CCDC148: variants seen among roughly 807,000 people sequenced by gnomAD.
The protein encoded by CCDC148 is coiled-coil domain containing 148.
CCDC148 carries 89 observed loss-of-function variants against 85.7 expected under a neutral mutation model. That is an observed-to-expected ratio of 1.04 (90% confidence interval 0.87 to 1.24). The LOEUF is 1.24. CCDC148 is among the 50% of genes most tolerant of loss of function. The probability of loss-of-function intolerance (pLI) is 0.00; values close to 1 mark genes in which losing one functional copy is unlikely to be tolerated. For missense variants in CCDC148, 692 were observed against 671.7 expected, an observed-to-expected ratio of 1.03 and a Z score of -0.33; for synonymous variants, 230 against 213.9, an observed-to-expected ratio of 1.08 and a Z score of -0.66.
intron 9 of CCDC148, 82 bp from the exon 10 acceptor site, chr2:158,250,994 A>G: frequency 8.1e-7 from 1 of 1,239,434 alleles, no homozygotes; most frequent in Non-Finnish European, 1.1e-6. Flanking sequence ...TAGGCTCTAT[A>G]TCAAGCAGAT....
At chr2:158,308,506 T>C (rs755644875) in intron 9 of CCDC148, among the ~76,000 whole-genome samples, 15 of 152,254 alleles carry the variant, frequency 9.9e-5, no homozygotes, top group Admixed American at 2.6e-4. Context: ...TTTCCTCTAA[T>C]GTTTTAAAAC....
At chr2:158,188,730 A>T (rs1685274774) in intron 11 of CCDC148, among the ~76,000 whole-genome samples, 1 of 152,090 alleles carries the variant, frequency 6.6e-6, no homozygotes, top group Non-Finnish European at 1.5e-5. Context: ...AAAAATAAAA[A>T]TTGACAAGTA....
At chr2:158,396,559 T>G (rs1321893028) in intron 1 of CCDC148, among the ~76,000 whole-genome samples, 1 of 152,068 alleles carries the variant, frequency 6.6e-6, no homozygotes, top group East Asian at 1.9e-4. Context: ...AACAGTGTAC[T>G]CAGGTTCTGA....
At chr2:158,325,639 G>A (rs1006685510) in intron 7 of CCDC148, among the ~76,000 whole-genome samples, 11 of 152,072 alleles carry the variant, frequency 7.2e-5, no homozygotes, top group Non-Finnish European at 1.5e-4. Context: ...TCTCTACACA[G>A]ATACCTAATG....
At position 158,438,406 on chromosome 2, in the gene CCDC148, A is replaced by T. The variant is rs538463385; in HGVS notation, c.25+18009T>A. Among the ~76,000 whole-genome samples, 3 of 152,372 alleles carry T rather than the reference A, an allele frequency of 2.0e-5. No individual in the cohort carries two copies. In the South Asian group the frequency reaches 6.2e-4, roughly 32 times the overall value. On this transcript the variant is annotated intron_variant, in intron 1 of 13. Coordinates refer to ENST00000283233, the MANE Select transcript of CCDC148 (RefSeq NM_138803.4). ...TCCCTATTTAATAAATGGTGCTGCA[A>T]AAACTGGCTAGCCATATGTAGAAAG... is the stretch of plus-strand genomic sequence containing the variant.
At chr2:158,362,009 A>C (rs1385987607) in intron 1 of CCDC148, among the ~76,000 whole-genome samples, 2 of 151,950 alleles carry the variant, frequency 1.3e-5, no homozygotes, top group Admixed American at 6.6e-5. Flanking sequence ...AAAAAAAAAA[A>C]AAAACAGCAG....
chr2:158,229,685 C>T (rs924036644), intron 10 of CCDC148, among the ~76,000 whole-genome samples: 1 of 152,286 alleles, frequency 6.6e-6, no homozygotes, highest in African/African-American at 2.4e-5. Flanking sequence ...AAGACTAATG[C>T]CTCACCTGGG....
chr2:158,415,239 G>A (rs1446210291), intron 1 of CCDC148, among the ~76,000 whole-genome samples: 12 of 152,166 alleles, frequency 7.9e-5, no homozygotes, highest in African/African-American at 2.4e-4. Context: ...AGGGGAAGCA[G>A]ACACATTCTA....
chr2:158,271,049 T>C (rs1312701170), intron 9 of CCDC148, among the ~76,000 whole-genome samples: 4 of 152,236 alleles, frequency 2.6e-5, no homozygotes. Context: ...TTTAGTTTTA[T>C]AACCAAGCAT....
rs772997562 is a variant in CCDC148 at position 158,456,107 on chromosome 2, GT to G, written c.25+307del. ...TAGTGCGGGATGTACACACAGATGT[GT>G]TTAATAAATATCTGCCCACAGGGAG... On this transcript the variant is annotated intron_variant, in intron 1 of 13. Transcript: ENST00000283233. Among the ~76,000 whole-genome samples, 13 of 152,220 alleles carry G rather than the reference GT, an allele frequency of 8.5e-5. No homozygotes were observed. The East Asian group carries it at 2.3e-3, about 27-fold the overall frequency.
intron 9 of CCDC148, among the ~76,000 whole-genome samples, chr2:158,307,015 T>G (rs1392254617): frequency 1.5e-4 from 1 of 6,776 alleles, no homozygotes; most frequent in African/African-American, 5.1e-4. Context: ...CAAGACTCCA[T>G]CTCAAAAAAA....
intron 10 of CCDC148, among the ~76,000 whole-genome samples, chr2:158,247,500 T>A (rs1283230329): frequency 6.6e-6 from 1 of 152,102 alleles, no homozygotes; most frequent in Non-Finnish European, 1.5e-5. Context: ...CTTTGGAAAC[T>A]TAAATGTCAA....
rs1686162700 is a variant in CCDC148, at chr2:158,409,384, C to T, written c.25+47031G>A. ...TGGAGCTGCCCAAGGTTGTTGGAGCCTACCTCTTGCATCAGTGTGACCTGG... is the reference window on the plus strand; with the variant it reads ...TGGAGCTGCCCAAGGTTGTTGGAGCTTACCTCTTGCATCAGTGTGACCTGG... On this transcript the variant is annotated intron_variant, in intron 1 of 13. Transcript: ENST00000283233. Among the ~76,000 whole-genome samples the T allele has an allele frequency of 2.0e-5, 3 of 152,218 alleles. No individual in the cohort carries two copies. In the South Asian group the frequency reaches 6.2e-4, roughly 31 times the overall value.
intron 11 of CCDC148, among the ~76,000 whole-genome samples, chr2:158,190,880 T>A (rs755433226): frequency 6.6e-6 from 1 of 151,980 alleles, no homozygotes; most frequent in South Asian, 2.1e-4. Context: ...GACACATAAT[T>A]CCTGATGCCC....
In CCDC148 at chr2:158,326,556, C is replaced by T. The variant is rs1692788157; in HGVS notation, c.764+12170G>A. On this transcript the variant is annotated intron_variant, in intron 7 of 13. Coordinates refer to ENST00000283233, the MANE Select transcript of CCDC148 (RefSeq NM_138803.4). The stretch of plus-strand genomic sequence containing the variant: ...GTCAGTCATATCTTCATCTCATTTG[C>T]TCCATTTTCCTTTTGGCTGTTCACC... 2.0e-5 allele frequency among the ~76,000 whole-genome samples: 3 copies of T among 152,230 alleles called. No individual in the cohort carries two copies. The South Asian group carries it at 6.2e-4, about 32-fold the overall frequency.
At chr2:158,434,651 C>G (rs1687549923) in intron 1 of CCDC148, among the ~76,000 whole-genome samples, 1 of 152,184 alleles carries the variant, frequency 6.6e-6, no homozygotes, top group Non-Finnish European at 1.5e-5. Flanking sequence ...AAGAACGAAT[C>G]AGACGATCGG....
chr2:158,247,683 C>T (rs1688623105), intron 10 of CCDC148, among the ~76,000 whole-genome samples: 1 of 151,980 alleles, frequency 6.6e-6, no homozygotes, highest in African/African-American at 2.4e-5. Flanking sequence ...ATAGTGAATC[C>T]CGTCTCTACT....
intron 2 of CCDC148, among the ~76,000 whole-genome samples, chr2:158,351,136 C>G (rs574260568): frequency 2.0e-5 from 3 of 152,112 alleles, no homozygotes. Context: ...GTTTATACTT[C>G]GGATAATTTT....
chr2:158,260,758 ATTC>A (rs1311731206), intron 9 of CCDC148, among the ~76,000 whole-genome samples: 1 of 152,066 alleles, frequency 6.6e-6, no homozygotes, highest in African/African-American at 2.4e-5. Context: ...ATGCAATCTG[ATTC>A]ACAATTGTCA....
Sources: allele counts gnomAD v4.1 joint callset (sites outside exome capture counted in the v4.1 genomes callset), GRCh38; gene constraint gnomAD v4.1.1; transcripts MANE v1.5; gene names NCBI Gene and HGNC (gene_info 2026-07-23, HGNC 2026-07-21).